PEX3: variants seen among roughly 807,000 people sequenced by gnomAD.
PEX3 encodes peroxisomal biogenesis factor 3.
PEX3 carries 30 observed loss-of-function variants against 55.8 expected under a neutral mutation model. That is an observed-to-expected ratio of 0.54 (90% CI 0.40 to 0.73). The LOEUF (loss-of-function observed/expected upper bound fraction) is 0.73, where lower values mean the gene tolerates loss of function less well. Among genes scored for constraint, PEX3 ranks in the 30% least tolerant of loss-of-function variants. The probability of loss-of-function intolerance (pLI) is 0.00; values close to 1 mark genes in which losing one functional copy is unlikely to be tolerated. For synonymous variants in PEX3, 135 were observed against 148.4 expected (o/e 0.91, Z 0.66); for missense variants, 351 against 432.8 (o/e 0.81, Z 1.68).
At chr6:143,469,642 T>C (rs958597386) in intron 4 of PEX3, among the ~76,000 whole-genome samples, 1 of 152,208 alleles carries the variant, frequency 6.6e-6, no homozygotes, top group African/African-American at 2.4e-5. Context: ...TTCACTCTCA[T>C]GGTAGTTTCT....
intron 8 of PEX3, 104 bp downstream of exon 8, chr6:143,472,432 A>G: frequency 1.3e-6 from 1 of 799,946 alleles, no homozygotes; most frequent in Non-Finnish European, 2.1e-6. Flanking sequence ...TAAGTGATTG[A>G]AAAGCATATA....
chr6:143,479,005 C>A lies in PEX3; in HGVS notation c.819-71C>A. The A allele has an allele frequency of 1.1e-6, 1 of 924,340 alleles. No individual in the cohort carries two copies. Among genetic ancestry groups the A allele is most frequent in the Non-Finnish European group, 1.8e-6 (1 of 559,236 alleles). 57.3% of individuals were successfully genotyped at this position (924,340 alleles called of 1,614,324 possible). A position where few individuals can be genotyped will look rare whatever the true frequency, so the allele number is the denominator to read the frequency against. ...TGTTGGTGGCTTTCAAAGGTAACCA[C>A]GTTATTACTGAATTTGTTTTCTCTT... On this transcript the variant is annotated intron_variant, in intron 9 of 11. Coordinates refer to ENST00000367591, the MANE Select transcript of PEX3 (RefSeq NM_003630.3). This position sits in a 1 kb window ranked among gnomAD's most constrained non-coding sequence, Gnocchi z 4.6.
Position 143,462,480 on chromosome 6 carries a change from TGA to T in PEX3, c.206-435_206-434del, listed in dbSNP as rs1047614178. Among the ~76,000 whole-genome samples the T allele has an allele frequency of 2.0e-5, 3 of 152,060 alleles. No individual in the cohort carries two copies. Among genetic ancestry groups the T allele is most frequent in the African/African-American group, 7.2e-5 (3 of 41,416 alleles). On this transcript the variant is annotated intron_variant, in intron 2 of 11. Transcript: ENST00000367591. The surrounding 1 kb of genome is among the most constrained non-coding windows in gnomAD (Gnocchi z 4.1). The stretch of plus-strand genomic sequence containing the variant: ...TTAATAAACTTTTTAAAAATTAGAA[TGA>T]AAAATGAAGGAAAAAGTATAGCTGA...
chr6:143,467,280 C>G (rs1780004977), intron 3 of PEX3, among the ~76,000 whole-genome samples: 1 of 152,024 alleles, frequency 6.6e-6, no homozygotes, highest in Non-Finnish European at 1.5e-5. Context: ...AACCTTTTGA[C>G]TAATTTTAGA....
intron 8 of PEX3, among the ~76,000 whole-genome samples, chr6:143,474,225 G>A (rs1482557185): frequency 4.6e-5 from 7 of 151,994 alleles, no homozygotes; most frequent in South Asian, 2.1e-4. Flanking sequence ...CGAGGCAGGC[G>A]GATCACGAGG....
intron 3 of PEX3, 53 bp from the exon 4 acceptor site, chr6:143,468,069 T>C: frequency 2.1e-6 from 2 of 951,280 alleles, no homozygotes; most frequent in Non-Finnish European, 3.3e-6. Context: ...TTCAGAGTTT[T>C]CTATTAGATT....
At chr6:143,478,511 T>C (rs1780183479) in intron 9 of PEX3, among the ~76,000 whole-genome samples, 1 of 152,064 alleles carries the variant, frequency 6.6e-6, no homozygotes, top group South Asian at 2.1e-4. Flanking sequence ...AGTCAAGAAA[T>C]TGGAACATAA....
intron 3 of PEX3, among the ~76,000 whole-genome samples, chr6:143,467,075 T>G (rs1261806469): frequency 6.6e-6 from 1 of 151,958 alleles, no homozygotes. Context: ...AAACAGAAAT[T>G]TCATGTATAT....
intron 10 of PEX3, among the ~76,000 whole-genome samples, chr6:143,484,735 G>C (rs560031917): frequency 2.0e-5 from 3 of 151,994 alleles, no homozygotes; most frequent in Non-Finnish European, 2.9e-5. Flanking sequence ...CTTAGATTAA[G>C]AAAATTTAGG....
Position 143,471,509 on chromosome 6 carries a change from G to A in PEX3, c.524-48G>A. On this transcript the variant is annotated intron_variant, in intron 6 of 11. Transcript: ENST00000367591. The surrounding 1 kb of genome is among the most constrained non-coding windows in gnomAD (Gnocchi z 5.4). ...TAATTCATTTATTTTTATTATTGAG[G>A]AATTTTTAAACTAAGCAAGGCTTTT... is the stretch of plus-strand genomic sequence containing the variant. 1 of 1,568,154 alleles carries A rather than the reference G, an allele frequency of 6.4e-7. No individual in the cohort carries two copies. Among genetic ancestry groups the A allele is most frequent in the Non-Finnish European group, 8.8e-7 (1 of 1,139,428 alleles).
At chr6:143,480,649 G>A (rs1264100187) in intron 10 of PEX3, among the ~76,000 whole-genome samples, 1 of 152,032 alleles carries the variant, frequency 6.6e-6, no homozygotes, top group Non-Finnish European at 1.5e-5. Flanking sequence ...CTCCATGATT[G>A]AACCCTAGAA....
At chr6:143,470,095 G>T (rs1402432404) in intron 4 of PEX3, among the ~76,000 whole-genome samples, 1 of 152,030 alleles carries the variant, frequency 6.6e-6, no homozygotes, top group Non-Finnish European at 1.5e-5. Context: ...CTCTACAGGT[G>T]CGTGCTGCCA....
At position 143,463,418 on chromosome 6, in the gene PEX3, T is replaced by C. The variant is rs1284164512; in HGVS notation, c.287+421T>C. The stretch of plus-strand genomic sequence containing the variant: ...AAATAAATAAGATATACAGGACTTA[T>C]ATCTTAAATTACTAACAAAATGAAA... On this transcript the variant is annotated intron_variant, in intron 3 of 11. Transcript: ENST00000367591. This position sits in a 1 kb window ranked among gnomAD's most constrained non-coding sequence, Gnocchi z 5.7. 2.0e-5 allele frequency among the ~76,000 whole-genome samples: 3 copies of C among 152,236 alleles called. No individual in the cohort carries two copies. The highest frequency in any genetic ancestry group is 7.2e-5 in the African/African-American group (3 of 41,464).
intron 2 of PEX3, among the ~76,000 whole-genome samples, chr6:143,460,255 T>C (rs1779900920): frequency 6.6e-6 from 1 of 152,116 alleles, no homozygotes; most frequent in Non-Finnish European, 1.5e-5. Context: ...AAAATTACAA[T>C]TGGAGTATGA....
At position 143,489,214 on chromosome 6, in the gene PEX3, A is replaced by G; in HGVS notation, c.1110A>G (p.Gln370=). Residue 370 remains glutamine (Q), a synonymous_variant, in exon 12 of 12, where the codon CAA becomes CAG. Transcript: ENST00000367591. This position sits in a 1 kb window ranked among gnomAD's most constrained non-coding sequence, Gnocchi z 5.5. The stretch of plus-strand genomic sequence containing the variant: ...ATGAAGCTTTTAGTACCCCTCAGCA[A>G]CTGGAGAAATGATTTTTCCTTCAAG... ...NVYEAFSTPQ[Q]LEK is the part of the protein sequence containing the mutation. The G allele has an allele frequency of 6.3e-7, 1 of 1,592,588 alleles. No individual in the cohort carries two copies. Among genetic ancestry groups the G allele is most frequent in the Non-Finnish European group, 8.6e-7 (1 of 1,160,594 alleles).
chr6:143,460,450 A>G (rs1290204920), intron 2 of PEX3, among the ~76,000 whole-genome samples: 2 of 152,216 alleles, frequency 1.3e-5, no homozygotes, highest in Non-Finnish European at 2.9e-5. Context: ...TATGATAAAT[A>G]CTTGGTAAAT....
At chr6:143,468,801 T>TCCCCCC (rs775693906) in intron 4 of PEX3, among the ~76,000 whole-genome samples, 5 of 12,628 alleles carry the variant, frequency 4.0e-4, no homozygotes, top group Non-Finnish European at 5.6e-4. Flanking sequence ...CCTAATGCTA[T>TCCCCCC]CCCCCCCCCC....
intron 4 of PEX3, among the ~76,000 whole-genome samples, chr6:143,469,345 C>T (rs1780039248): frequency 6.6e-6 from 1 of 152,146 alleles, no homozygotes; most frequent in Non-Finnish European, 1.5e-5. Flanking sequence ...CTGTTGTTTC[C>T]TGACTTTTTA....
chr6:143,457,422 T>A (rs906630540), intron 1 of PEX3, among the ~76,000 whole-genome samples: 1 of 152,196 alleles, frequency 6.6e-6, no homozygotes, highest in African/African-American at 2.4e-5. Flanking sequence ...TAGTTCTAAT[T>A]GTTTTTAGCA....
Sources: gnomAD v4.1 joint callset for allele counts (sites outside exome capture counted in the v4.1 genomes callset) on GRCh38, gnomAD v4.1.1 for gene constraint, Gnocchi (gnomAD v3.1) non-coding constraint, MANE v1.5 for transcripts, NCBI Gene and HGNC (gene_info 2026-07-23, HGNC 2026-07-21) for gene names.